The following PRKG1 variants were observed in gnomAD, a reference collection of about 807,000 sequenced individuals.
PRKG1 encodes the protein cGMP-dependent protein kinase 1.
PRKG1 carries 35 observed loss-of-function variants against 88.1 expected under a neutral mutation model. The ratio of observed to expected loss-of-function variants is 0.40; its 90% CI spans 0.30 to 0.53. The LOEUF is 0.53. PRKG1 is among the 20% of genes least tolerant of loss of function. PRKG1 has a pLI of 0.59. For missense variants in PRKG1, 540 were observed against 839.8 expected, an observed-to-expected ratio of 0.64 and a Z score of 4.41; for synonymous variants, 303 against 292.5, an observed-to-expected ratio of 1.04 and a Z score of -0.37.
chr10:51,190,891 G>A (rs558697897), intron 2 of PRKG1, among the ~76,000 whole-genome samples: 6 of 151,948 alleles, frequency 3.9e-5, no homozygotes, highest in African/African-American at 1.4e-4. Context: ...AACAAAGGGT[G>A]TAATGTCTCT....
intron 3 of PRKG1, among the ~76,000 whole-genome samples, chr10:51,582,473 C>A (rs1373898691): frequency 6.6e-6 from 1 of 152,016 alleles, no homozygotes; most frequent in Non-Finnish European, 1.5e-5. Context: ...GATGTTCTTC[C>A]CTCCACCCAC....
intron 3 of PRKG1, among the ~76,000 whole-genome samples, chr10:51,753,362 T>G (rs1436359601): frequency 1.3e-5 from 2 of 152,124 alleles, no homozygotes; most frequent in African/African-American, 2.4e-5. Context: ...TTGCTTTTTT[T>G]GAATCTAAGC....
intron 2 of PRKG1, among the ~76,000 whole-genome samples, chr10:51,320,956 C>T (rs916792039): frequency 2.0e-5 from 3 of 152,048 alleles, no homozygotes; most frequent in African/African-American, 7.2e-5. Flanking sequence ...AAACACTGCA[C>T]CTTATTTGTA....
intron 3 of PRKG1, among the ~76,000 whole-genome samples, chr10:51,762,600 C>T (rs1262985105): frequency 6.6e-6 from 1 of 152,154 alleles, no homozygotes; most frequent in Non-Finnish European, 1.5e-5. Context: ...GCAATGATAA[C>T]AATGACTTTT....
chr10:51,161,655 G>A (rs906015577), intron 2 of PRKG1, among the ~76,000 whole-genome samples: 2 of 151,982 alleles, frequency 1.3e-5, no homozygotes, highest in African/African-American at 4.8e-5. Flanking sequence ...AAGGCAAATC[G>A]TAGGTCACAT....
At chr10:51,779,779 GA>G (rs1838538409) in intron 3 of PRKG1, among the ~76,000 whole-genome samples, 1 of 152,082 alleles carries the variant, frequency 6.6e-6, no homozygotes, top group Non-Finnish European at 1.5e-5. Context: ...TGTTTTTAAG[GA>G]GCGACTGGTG....
chr10:51,126,772 C>A (rs1000824588), intron 1 of PRKG1, among the ~76,000 whole-genome samples: 6 of 151,914 alleles, frequency 3.9e-5, no homozygotes, highest in Admixed American at 6.6e-5. Context: ...AGCAGATAGA[C>A]CAATAGAACA....
intron 3 of PRKG1, among the ~76,000 whole-genome samples, chr10:51,510,168 A>AT (rs1327690545): frequency 2.6e-5 from 4 of 151,988 alleles, no homozygotes; most frequent in African/African-American, 9.7e-5. Context: ...TCCTCATTCT[A>AT]TTTTTTTAGG....
At chr10:51,873,641 C>T (rs187206582) in intron 4 of PRKG1, among the ~76,000 whole-genome samples, 4 of 151,738 alleles carry the variant, frequency 2.6e-5, no homozygotes, top group Non-Finnish European at 5.9e-5. Context: ...AATTCTCTCA[C>T]CTCAGCCTCC....
At chr10:51,371,149 G>A (rs985521070) in intron 2 of PRKG1, among the ~76,000 whole-genome samples, 7 of 152,066 alleles carry the variant, frequency 4.6e-5, no homozygotes, top group African/African-American at 1.2e-4. Context: ...TATAAGGTCC[G>A]TGATTGGGAT....
intron 4 of PRKG1, among the ~76,000 whole-genome samples, chr10:51,901,419 G>A (rs1307519388): frequency 6.6e-6 from 1 of 152,156 alleles, no homozygotes. Context: ...TTGAAGCTAA[G>A]CCTTTAATTC....
At chr10:51,790,488 AG>A (rs1269708711) in intron 3 of PRKG1, among the ~76,000 whole-genome samples, 1 of 152,196 alleles carries the variant, frequency 6.6e-6, no homozygotes, top group East Asian at 1.9e-4. Flanking sequence ...GAATAATGGA[AG>A]CTTAAATTAA....
chr10:51,947,400 G>A (rs567603874), intron 5 of PRKG1, among the ~76,000 whole-genome samples: 8 of 152,258 alleles, frequency 5.3e-5, no homozygotes, highest in South Asian at 4.1e-4. Flanking sequence ...GGAACTGCCT[G>A]ACCCCTTGCA....
chr10:51,769,674 A>G (rs548697478), intron 3 of PRKG1, among the ~76,000 whole-genome samples: 1 of 152,324 alleles, frequency 6.6e-6, no homozygotes, highest in Admixed American at 6.5e-5. Flanking sequence ...CCTATAGCAA[A>G]TGAAATATGG....
chr10:52,193,548 C>CG (rs1839421066), intron 9 of PRKG1, among the ~76,000 whole-genome samples: 1 of 42,820 alleles, frequency 2.3e-5, no homozygotes, highest in African/African-American at 7.4e-5. Context: ...GACTCTGTCT[C>CG]AAAAAAAAAA....
intron 5 of PRKG1, among the ~76,000 whole-genome samples, chr10:51,990,033 G>A (rs2133126256): frequency 6.6e-6 from 1 of 151,944 alleles, no homozygotes; most frequent in Non-Finnish European, 1.5e-5. Context: ...CTAATTTTAT[G>A]CTTTTGCATG....
chr10:52,045,962 C>T (rs1221937862), intron 5 of PRKG1, among the ~76,000 whole-genome samples: 1 of 152,044 alleles, frequency 6.6e-6, no homozygotes, highest in East Asian at 1.9e-4. Context: ...AACTTTTAAG[C>T]AGTCAAAATG....
chr10:51,551,119 G>T (rs1296996716), intron 3 of PRKG1, among the ~76,000 whole-genome samples: 2 of 151,708 alleles, frequency 1.3e-5, no homozygotes, highest in African/African-American at 4.8e-5. Flanking sequence ...TATAACTTTT[G>T]TCATCACAAA....
chr10:51,706,515 A>ATT (rs113549311), intron 3 of PRKG1, among the ~76,000 whole-genome samples: 23 of 147,622 alleles, frequency 1.6e-4, no homozygotes, highest in South Asian at 2.2e-4. Context: ...GTCCAGCCCA[A>ATT]TTTTTTTTTT....
Sources: allele counts gnomAD v4.1 joint callset (sites outside exome capture counted in the v4.1 genomes callset), GRCh38; gene constraint gnomAD v4.1.1; transcripts MANE v1.5; gene names NCBI Gene and HGNC (gene_info 2026-07-23, HGNC 2026-07-21).